CEP63: variants seen among roughly 807,000 people sequenced by gnomAD.
CEP63 encodes the protein centrosomal protein 63.
CEP63 carries 84 observed loss-of-function variants against 89.1 expected under a neutral mutation model. The ratio of observed to expected loss-of-function variants is 0.94; its 90% CI spans 0.79 to 1.13. The LOEUF is 1.13. CEP63 is among the 50% of genes most tolerant of loss of function. The pLI is 0.00. For synonymous variants in CEP63, 267 were observed against 272.5 expected (o/e 0.98, Z 0.20); for missense variants, 838 against 813.3 (o/e 1.03, Z -0.37).
chr3:134,510,274 A>G (rs986167577), intron 3 of CEP63, among the ~76,000 whole-genome samples: 4 of 152,188 alleles, frequency 2.6e-5, no homozygotes, highest in Non-Finnish European at 5.9e-5. Flanking sequence ...GACTTTTTCT[A>G]TGTATTAACT....
At chr3:134,726,780 C>T in the CEP63 span, among the ~76,000 whole-genome samples, 1 of 152,170 alleles carries the variant, frequency 6.6e-6, no homozygotes, top group Non-Finnish European at 1.5e-5. Context: ...GCCTTCAGAG[C>T]CAGATGCTGA....
intron 1 of CEP63, among the ~76,000 whole-genome samples, chr3:134,489,014 G>A (rs1380534180): frequency 6.6e-6 from 1 of 152,012 alleles, no homozygotes; most frequent in Non-Finnish European, 1.5e-5. Context: ...AATTAGCCGG[G>A]CGTGGTGGCA....
the CEP63 span, among the ~76,000 whole-genome samples, chr3:134,616,133 A>G: frequency 0.62 from 94,544 of 152,110 alleles, 29,964 homozygotes; most frequent in East Asian, 0.88. Flanking sequence ...CTAAGGATGC[A>G]GGCAACTGAG....
At chr3:134,738,552 T>A in the CEP63 span, among the ~76,000 whole-genome samples, 2 of 152,110 alleles carry the variant, frequency 1.3e-5, no homozygotes, top group Non-Finnish European at 2.9e-5. Context: ...GTCACTGATA[T>A]GTGGGAGTTA....
intron 10 of CEP63, among the ~76,000 whole-genome samples, chr3:134,583,365 A>G (rs938417981): frequency 4.6e-5 from 7 of 152,182 alleles, no homozygotes; most frequent in Non-Finnish European, 8.8e-5. Context: ...TCTAAGGTGT[A>G]AGGAAGGGAT....
the CEP63 span, among the ~76,000 whole-genome samples, chr3:134,711,988 A>T: frequency 8.5e-5 from 13 of 152,152 alleles, no homozygotes; most frequent in Admixed American, 7.9e-4. Flanking sequence ...TCCTGACCTC[A>T]GGTGGTCCAC....
the CEP63 span, among the ~76,000 whole-genome samples, chr3:134,699,437 G>A: frequency 1.5e-4 from 23 of 152,200 alleles, no homozygotes; most frequent in African/African-American, 4.1e-4. Flanking sequence ...ACACACAAGC[G>A]GCTAGCCTTG....
chr3:134,620,683 G>T, the CEP63 span: 1 of 1,130,362 alleles, frequency 8.8e-7, no homozygotes, highest in South Asian at 1.3e-5. Flanking sequence ...AAGCTGATAG[G>T]AGCAGAGGCC....
chr3:134,689,442 T>TTTA, the CEP63 span, among the ~76,000 whole-genome samples: 8,633 of 96,378 alleles, frequency 0.09, 438 homozygotes, highest in African/African-American at 0.17. Context: ...AAGGACCTTA[T>TTTA]TTATTATTAT....
chr3:134,591,701 C>A (rs1443811124), downstream of CEP63, among the ~76,000 whole-genome samples: 1 of 146,586 alleles, frequency 6.8e-6, no homozygotes, highest in Non-Finnish European at 1.5e-5. Context: ...ACAAAACAAA[C>A]AAACAAAAAC....
chr3:134,706,554 C>A, the CEP63 span, among the ~76,000 whole-genome samples: 1 of 152,168 alleles, frequency 6.6e-6, no homozygotes, highest in South Asian at 2.1e-4. Flanking sequence ...AGGGACCTAT[C>A]CTGCCTCACC....
At chr3:134,508,599 A>G (rs763145033) in intron 3 of CEP63, among the ~76,000 whole-genome samples, 43 of 152,198 alleles carry the variant, frequency 2.8e-4, no homozygotes, top group Non-Finnish European at 5.3e-4. Context: ...ATTATGTGTG[A>G]TTATGATAAT....
the CEP63 span, among the ~76,000 whole-genome samples, chr3:134,698,691 G>T: frequency 3.3e-5 from 5 of 152,202 alleles, no homozygotes; most frequent in African/African-American, 1.2e-4. Context: ...ACCTCAGGCT[G>T]CCCTCGCCCA....
chr3:134,650,356 A>C, the CEP63 span, among the ~76,000 whole-genome samples: 1 of 152,284 alleles, frequency 6.6e-6, no homozygotes, highest in East Asian at 1.9e-4. Flanking sequence ...TGAGGCTGTA[A>C]ATTGTGCAAG....
the CEP63 span, among the ~76,000 whole-genome samples, chr3:134,626,959 A>T: frequency 2.0e-5 from 3 of 152,208 alleles, no homozygotes; most frequent in Admixed American, 2.0e-4. Flanking sequence ...AAGTGCATTC[A>T]AAGTGGACTC....
chr3:134,496,435 G>A (rs1046183032), intron 2 of CEP63, among the ~76,000 whole-genome samples: 55 of 149,358 alleles, frequency 3.7e-4, no homozygotes, highest in Admixed American at 8.0e-4. Context: ...AAAAAAAGGG[G>A]GGGGGGGCTA....
chr3:134,698,697 G>A, the CEP63 span, among the ~76,000 whole-genome samples: 1 of 152,154 alleles, frequency 6.6e-6, no homozygotes, highest in Non-Finnish European at 1.5e-5. Context: ...GGCTGCCCTC[G>A]CCCACACCTT....
chr3:134,604,856 C>T, the CEP63 span, among the ~76,000 whole-genome samples: 2 of 152,192 alleles, frequency 1.3e-5, no homozygotes, highest in Admixed American at 6.5e-5. Context: ...ACCATCTCCC[C>T]CAAGTCTCAG....
At chr3:134,740,148 T>C in the CEP63 span, among the ~76,000 whole-genome samples, 2 of 152,136 alleles carry the variant, frequency 1.3e-5, no homozygotes, top group African/African-American at 4.8e-5. Context: ...GCCTTCCAGG[T>C]GCTCAGGGTA....
Sources: allele counts gnomAD v4.1 joint callset (sites outside exome capture counted in the v4.1 genomes callset), GRCh38; gene constraint gnomAD v4.1.1; transcripts MANE v1.5; gene names NCBI Gene and HGNC (gene_info 2026-07-23, HGNC 2026-07-21).